Variants in ARHGAP39 observed in about 807,000 individuals in gnomAD.
The protein encoded by ARHGAP39 is Rho GTPase activating protein 39, also known as rho GTPase-activating protein 39.
In ARHGAP39, 44 loss-of-function variants were observed where a neutral mutation model predicts 106.9. That is an observed-to-expected ratio of 0.41 (90% CI 0.32 to 0.53). The LOEUF is 0.53. Among genes scored for constraint, ARHGAP39 ranks in the 20% least tolerant of loss-of-function variants. The pLI, the probability that ARHGAP39 is intolerant of heterozygous loss-of-function variation, is 0.21. For synonymous variants in ARHGAP39, 768 were observed against 693.2 expected (o/e 1.11, Z -1.69); for missense variants, 1,496 against 1,577.3 (o/e 0.95, Z 0.87).
At chr8:144,589,043 G>A (rs536105712) in intron 2 of ARHGAP39, among the ~76,000 whole-genome samples, 33 of 152,296 alleles carry the variant, frequency 2.2e-4, no homozygotes, top group Admixed American at 5.2e-4. Flanking sequence ...AAACCCAAGC[G>A]TCTGCATAAG....
intron 1 of ARHGAP39, among the ~76,000 whole-genome samples, chr8:144,648,926 A>G (rs2129641857): frequency 6.6e-6 from 1 of 152,264 alleles, no homozygotes; most frequent in African/African-American, 2.4e-5. Context: ...TAACAACCTA[A>G]CATCACAACC....
At chr8:144,614,293 A>C (rs552970069) in intron 1 of ARHGAP39, among the ~76,000 whole-genome samples, 3 of 151,618 alleles carry the variant, frequency 2.0e-5, no homozygotes, top group Non-Finnish European at 4.4e-5. Flanking sequence ...CTTTGGTTGG[A>C]TGCCAGACAT....
intron 2 of ARHGAP39, among the ~76,000 whole-genome samples, chr8:144,589,833 C>T (rs1819324483): frequency 6.6e-6 from 1 of 152,234 alleles, no homozygotes; most frequent in Admixed American, 6.5e-5. Context: ...GGGGCTCAGG[C>T]CAGGCCCCGC....
intron 3 of ARHGAP39, among the ~76,000 whole-genome samples, chr8:144,557,895 A>G (rs772052913): frequency 1.3e-5 from 2 of 152,190 alleles, no homozygotes; most frequent in African/African-American, 2.4e-5. Flanking sequence ...ACTGGACAAG[A>G]AAAAAAACCA....
At chr8:144,607,351 A>G (rs1183484588) in intron 1 of ARHGAP39, among the ~76,000 whole-genome samples, 22 of 151,936 alleles carry the variant, frequency 1.4e-4, no homozygotes, top group Admixed American at 1.4e-3. Flanking sequence ...ATCAGAACCC[A>G]TGGCCTCCGG....
chr8:144,543,223 G>A (rs1817270113), intron 6 of ARHGAP39, among the ~76,000 whole-genome samples: 1 of 152,122 alleles, frequency 6.6e-6, no homozygotes, highest in Non-Finnish European at 1.5e-5. Context: ...GGATCCTCTT[G>A]CCTTGGCCCA....
At chr8:144,545,018 C>T (rs1490497978) in intron 6 of ARHGAP39, among the ~76,000 whole-genome samples, 1 of 152,228 alleles carries the variant, frequency 6.6e-6, no homozygotes, top group African/African-American at 2.4e-5. Flanking sequence ...GGCCCCAAGC[C>T]CTCGTGTCTG....
At chr8:144,650,693 T>C (rs1027202004) in intron 1 of ARHGAP39, among the ~76,000 whole-genome samples, 1 of 152,116 alleles carries the variant, frequency 6.6e-6, no homozygotes, top group Non-Finnish European at 1.5e-5. Context: ...AGGGCTTCAA[T>C]AAAATCCACA....
chr8:144,667,031 T>C (rs1821982587), intron 1 of ARHGAP39, among the ~76,000 whole-genome samples: 1 of 152,218 alleles, frequency 6.6e-6, no homozygotes, highest in African/African-American at 2.4e-5. Context: ...CAGATTAATT[T>C]TTCCATAAAA....
rs1301179822 is a variant in ARHGAP39 at position 144,684,498 on chromosome 8, G to A, written c.-82+1188C>T. On this transcript the variant is annotated intron_variant, in intron 1 of 11. Transcript: ENST00000377307. The surrounding 1 kb of genome is among the most constrained non-coding windows in gnomAD (Gnocchi z 4.4). ...GGTTTTTCAGCAGAGGTCACTGGAG[G>A]TCTGGTTAAACCCGTACAGCACTGA... 6.6e-6 allele frequency among the ~76,000 whole-genome samples: 1 copy of A among 152,248 alleles called. No homozygotes were observed. Among genetic ancestry groups the A allele is most frequent in the Non-Finnish European group, 1.5e-5 (1 of 68,044 alleles).
chr8:144,551,670 C>T (rs1434268694), intron 4 of ARHGAP39, among the ~76,000 whole-genome samples: 1 of 152,186 alleles, frequency 6.6e-6, no homozygotes, highest in Non-Finnish European at 1.5e-5. Context: ...GCTCCTGAGC[C>T]TGCATTCCCC....
intron 3 of ARHGAP39, among the ~76,000 whole-genome samples, chr8:144,579,297 C>T (rs576336294): frequency 6.6e-6 from 1 of 151,118 alleles, no homozygotes; most frequent in Admixed American, 6.6e-5. Context: ...AGACATTTCA[C>T]AGTGGCTACA....
At chr8:144,542,944 C>T in intron 6 of ARHGAP39, among the ~76,000 whole-genome samples, 1 of 149,532 alleles carries the variant, frequency 6.7e-6, no homozygotes, top group Non-Finnish European at 1.5e-5. Flanking sequence ...GAGACTCTAA[C>T]TCCAAAAAAA....
At chr8:144,552,197 A>G (rs1428000671) in intron 4 of ARHGAP39, among the ~76,000 whole-genome samples, 1 of 152,268 alleles carries the variant, frequency 6.6e-6, no homozygotes. Context: ...TTGGTGACAG[A>G]GGATGGGACG....
intron 5 of ARHGAP39, among the ~76,000 whole-genome samples, chr8:144,546,301 G>A (rs1478325961): frequency 6.6e-6 from 1 of 152,180 alleles, no homozygotes; most frequent in Non-Finnish European, 1.5e-5. Flanking sequence ...CTCCCTGCCT[G>A]CTGCTCTGAG....
intron 1 of ARHGAP39, among the ~76,000 whole-genome samples, chr8:144,661,823 T>C (rs1378512022): frequency 1.3e-5 from 2 of 151,794 alleles, no homozygotes; most frequent in Non-Finnish European, 2.9e-5. Context: ...ATTATCCACC[T>C]TGAACTGTTC....
chr8:144,689,718 T>C (rs1171950132), upstream of ARHGAP39, among the ~76,000 whole-genome samples: 1 of 149,082 alleles, frequency 6.7e-6, no homozygotes, highest in Non-Finnish European at 1.5e-5. Context: ...GGGATTACAG[T>C]TGTGAGCCAC....
intron 1 of ARHGAP39, among the ~76,000 whole-genome samples, chr8:144,656,391 T>C (rs935733781): frequency 3.9e-5 from 6 of 151,906 alleles, no homozygotes; most frequent in African/African-American, 1.5e-4. Context: ...ATTAAGAGGG[T>C]CAATTCATCA....
At chr8:144,690,648 T>C (rs1822723932), upstream of ARHGAP39, among the ~76,000 whole-genome samples, 1 of 151,722 alleles carries the variant, frequency 6.6e-6, no homozygotes, top group Non-Finnish European at 1.5e-5. Flanking sequence ...TGCCTGCCTT[T>C]TTTTTTTTTC....
Sources: allele counts gnomAD v4.1 joint callset (sites outside exome capture counted in the v4.1 genomes callset), GRCh38; gene constraint gnomAD v4.1.1; non-coding constraint Gnocchi (gnomAD v3.1); transcripts MANE v1.5; gene names NCBI Gene and HGNC (gene_info 2026-07-23, HGNC 2026-07-21).